The following ARHGEF12 variants were observed in gnomAD, a reference collection of about 807,000 sequenced individuals.
The protein encoded by ARHGEF12 is Rho guanine nucleotide exchange factor 12.
A neutral mutation model predicts 211.2 loss-of-function variants in ARHGEF12; 66 were observed. That is an observed-to-expected ratio of 0.31 (90% confidence interval 0.26 to 0.38). The LOEUF is 0.38. Among genes scored for constraint, ARHGEF12 ranks in the 10% least tolerant of loss-of-function variants. ARHGEF12 has a pLI of 1.00. For synonymous variants in ARHGEF12, 592 were observed against 638.4 expected, an observed-to-expected ratio of 0.93 and a Z score of 1.09; for missense variants, 1,429 against 1,869.5, an observed-to-expected ratio of 0.76 and a Z score of 4.34.
Position 120,421,455 on chromosome 11 carries a change from T to TTTTG in ARHGEF12, c.299-348_299-347insTTTG, listed in dbSNP as rs1555109035. Among the ~76,000 whole-genome samples, 19 of 99,958 alleles carry TTTTG rather than the reference T, an allele frequency of 1.9e-4. 1 individual carries two copies. Among genetic ancestry groups the TTTTG allele is most frequent in the African/African-American group, 5.1e-4 (13 of 25,396 alleles). 65.6% of individuals were successfully genotyped at this position (99,958 alleles called of 152,430 possible). ...TTTTTTTTTTTTGTTTTTTTTTTTT[T>TTTTG]GGAGATGGAGTCTCCCTCTGTCACC... On this transcript the variant is annotated intron_variant, in intron 5 of 40. Coordinates refer to ENST00000397843, the MANE Select transcript of ARHGEF12 (RefSeq NM_015313.3).
chr11:120,387,605 G>A (rs1178737033), intron 1 of ARHGEF12, among the ~76,000 whole-genome samples: 1 of 152,100 alleles, frequency 6.6e-6, no homozygotes, highest in African/African-American at 2.4e-5. Context: ...ATCAAGTGTA[G>A]TCAAGTAATC....
At chr11:120,427,846 A>G (rs370347437) in intron 7 of ARHGEF12, among the ~76,000 whole-genome samples, 6 of 152,284 alleles carry the variant, frequency 3.9e-5, no homozygotes, top group Admixed American at 2.0e-4. Context: ...GTAACTTGCT[A>G]TCTGAAAACG....
At chr11:120,471,138 TACCCAC>T in intron 30 of ARHGEF12, among the ~76,000 whole-genome samples, 1 of 152,204 alleles carries the variant, frequency 6.6e-6, no homozygotes, top group Non-Finnish European at 1.5e-5. Context: ...GATAAAGATA[TACCCAC>T]AAACAGACTT....
chr11:120,341,174 C>T (rs900276077), intron 1 of ARHGEF12, among the ~76,000 whole-genome samples: 1 of 152,120 alleles, frequency 6.6e-6, no homozygotes, highest in Non-Finnish European at 1.5e-5. Context: ...TCTCCTGCCT[C>T]AGCCTCCTGA....
At chr11:120,349,714 A>AAG (rs1003912247) in intron 1 of ARHGEF12, among the ~76,000 whole-genome samples, 3 of 152,202 alleles carry the variant, frequency 2.0e-5, no homozygotes, top group African/African-American at 7.2e-5. Flanking sequence ...AGCACATCGT[A>AAG]AGAGAGAGCT....
rs1255525057 is a variant in ARHGEF12, at chr11:120,411,818, GA to G, written c.199+2380del. The G allele has an allele frequency of 1.4e-3, 184 of 135,948 alleles. 1 individual carries two copies. The highest frequency in any genetic ancestry group is 3.0e-3 in the South Asian group (13 of 4,274). 8.4% of individuals were successfully genotyped at this position (135,948 alleles called of 1,614,324 possible). ...TTGTTGAAGGAATGATTTGCCAGGG[GA>G]AAAAAAAAAAAGAAAGAAATAGTAG... On this transcript the variant is annotated intron_variant, in intron 4 of 40. Coordinates refer to ENST00000397843, the MANE Select transcript of ARHGEF12 (RefSeq NM_015313.3).
chr11:120,473,237 T>C (rs1035597409), intron 31 of ARHGEF12, 110 bp downstream of exon 31: 3 of 908,918 alleles, frequency 3.3e-6, no homozygotes, highest in Non-Finnish European at 5.0e-6. Context: ...AGTTCTTGTA[T>C]CGTAGATTAT....
At chr11:120,455,515 ACATTTTC>A (rs1381712462) in intron 22 of ARHGEF12, among the ~76,000 whole-genome samples, 1 of 152,234 alleles carries the variant, frequency 6.6e-6, no homozygotes, top group Non-Finnish European at 1.5e-5. Flanking sequence ...ATGAATAAAG[ACATTTTC>A]AGATACACAA....
At chr11:120,419,271 C>G (rs547669744) in intron 4 of ARHGEF12, among the ~76,000 whole-genome samples, 15 of 152,006 alleles carry the variant, frequency 9.9e-5, no homozygotes, top group Non-Finnish European at 8.8e-5. Context: ...TTACCAGTGT[C>G]TTTAGAATAG....
intron 27 of ARHGEF12, among the ~76,000 whole-genome samples, chr11:120,461,405 C>CT (rs897792561): frequency 2.0e-4 from 30 of 148,758 alleles, no homozygotes; most frequent in Middle Eastern, 3.5e-3. Context: ...TTAAAAGTAA[C>CT]TTTTTTTTTT....
At chr11:120,444,184 A>G (rs1211752467) in intron 15 of ARHGEF12, among the ~76,000 whole-genome samples, 1 of 152,168 alleles carries the variant, frequency 6.6e-6, no homozygotes, top group African/African-American at 2.4e-5. Context: ...TCCTACTCCC[A>G]TTGTTTAAAA....
chr11:120,399,321 CAAAAAAAAAAAA>C (rs71050743), intron 1 of ARHGEF12, among the ~76,000 whole-genome samples: 1,581 of 36,588 alleles, frequency 0.043, 29 homozygotes, highest in African/African-American at 0.1. Context: ...ACATTGTCTC[CAAAAAAAAAAAA>C]AAAAAAAAAA....
chr11:120,346,471 C>T (rs1479305382), intron 1 of ARHGEF12, among the ~76,000 whole-genome samples: 1 of 152,220 alleles, frequency 6.6e-6, no homozygotes, highest in African/African-American at 2.4e-5. Flanking sequence ...CACATCAGCT[C>T]ACATGTCAGT....
intron 1 of ARHGEF12, among the ~76,000 whole-genome samples, chr11:120,347,677 C>T (rs1021467722): frequency 2.6e-5 from 4 of 152,148 alleles, no homozygotes; most frequent in African/African-American, 7.2e-5. Flanking sequence ...CTGAAAGCCT[C>T]CATTTTGATT....
chr11:120,416,858 G>A (rs1023721148), intron 4 of ARHGEF12, among the ~76,000 whole-genome samples: 4 of 152,092 alleles, frequency 2.6e-5, no homozygotes, highest in Non-Finnish European at 5.9e-5. Flanking sequence ...CACCATGTTG[G>A]CCAGGATGGT....
intron 1 of ARHGEF12, among the ~76,000 whole-genome samples, chr11:120,348,955 A>G (rs769671575): frequency 6.6e-6 from 1 of 152,244 alleles, no homozygotes; most frequent in Non-Finnish European, 1.5e-5. Flanking sequence ...CTTACTATGT[A>G]TATGTAAATG....
At chr11:120,436,346 A>G (rs1189427557) in intron 11 of ARHGEF12, among the ~76,000 whole-genome samples, 2 of 152,126 alleles carry the variant, frequency 1.3e-5, no homozygotes, top group African/African-American at 4.8e-5. Flanking sequence ...TCTCTTGGTA[A>G]CAGAAATATC....
At position 120,406,013 on chromosome 11, in the gene ARHGEF12, A is replaced by G. The variant is rs888956954; in HGVS notation, c.33-105A>G. The G allele has an allele frequency of 8.2e-6, 7 of 849,356 alleles. No homozygotes were observed. The African/African-American group carries it at 1.1e-4, about 13-fold the overall frequency. The allele number at this position is 849,356 out of a possible 1,614,324, so 52.6% of individuals were successfully genotyped here. On this transcript the variant is annotated intron_variant, in intron 1 of 40. Coordinates refer to ENST00000397843, the MANE Select transcript of ARHGEF12 (RefSeq NM_015313.3). ...TGATTCTTGCTATTGGAAAGTTACC[A>G]TAAGATTTAAATCTCTTATTCTGGT...
At chr11:120,351,430 TATATATATATATATATATATATA>T (rs1565420559) in intron 1 of ARHGEF12, among the ~76,000 whole-genome samples, 9 of 3,958 alleles carry the variant, frequency 2.3e-3, no homozygotes, top group African/African-American at 6.9e-3. Flanking sequence ...TATATATATA[TATATATATATATATATATATATA>T]TATTTTTTTT....
Sources: gnomAD v4.1 joint callset for allele counts (sites outside exome capture counted in the v4.1 genomes callset) on GRCh38, gnomAD v4.1.1 for gene constraint, MANE v1.5 for transcripts, NCBI Gene and HGNC (gene_info 2026-07-23, HGNC 2026-07-21) for gene names.